The following FUT9 variants were observed in gnomAD, a reference collection of about 807,000 sequenced individuals.
FUT9 encodes the protein fucosyltransferase 9.
In FUT9, 15 loss-of-function variants were observed where a neutral mutation model predicts 29.7. The observed-to-expected ratio is 0.51, with a 90% CI of 0.34 to 0.78. FUT9 has a LOEUF of 0.78. Ranked by LOEUF, FUT9 falls within the 30% of genes least tolerant of loss-of-function variation. The probability of loss-of-function intolerance (pLI) is 0.01; values close to 1 mark genes in which losing one functional copy is unlikely to be tolerated. For missense variants in FUT9, 319 were observed against 425.4 expected (o/e 0.75, Z 2.20); for synonymous variants, 169 against 153.7 (o/e 1.10, Z -0.74).
At chr6:96,199,269 T>C (rs1294468525) in intron 2 of FUT9, among the ~76,000 whole-genome samples, 1 of 152,112 alleles carries the variant, frequency 6.6e-6, no homozygotes, top group Non-Finnish European at 1.5e-5. Context: ...ATTTTAGTCA[T>C]GAGGAATAGG....
chr6:96,095,484 G>A (rs980625540), intron 1 of FUT9, among the ~76,000 whole-genome samples: 5 of 152,080 alleles, frequency 3.3e-5, no homozygotes, highest in African/African-American at 9.7e-5. Flanking sequence ...CTACATTAAT[G>A]AATTCAGACA....
intron 1 of FUT9, among the ~76,000 whole-genome samples, chr6:96,090,292 T>A (rs186680561): frequency 6.6e-6 from 1 of 150,614 alleles, no homozygotes; most frequent in East Asian, 1.9e-4. Flanking sequence ...ATTTGTAAAG[T>A]CAATTGTTTA....
intron 1 of FUT9, among the ~76,000 whole-genome samples, chr6:96,086,341 T>C (rs1771316335): frequency 6.6e-6 from 1 of 152,200 alleles, no homozygotes; most frequent in Non-Finnish European, 1.5e-5. Context: ...AAAGCTTTGG[T>C]TTATTTTTCC....
intron 1 of FUT9, among the ~76,000 whole-genome samples, chr6:96,080,625 T>C (rs1771220490): frequency 2.6e-5 from 4 of 152,030 alleles, no homozygotes; most frequent in Admixed American, 1.3e-4. Context: ...ATTCAAACTT[T>C]AATATTTGAA....
intron 1 of FUT9, among the ~76,000 whole-genome samples, chr6:96,084,594 C>A (rs752027601): frequency 4.6e-5 from 7 of 152,018 alleles, no homozygotes; most frequent in Non-Finnish European, 7.4e-5. Flanking sequence ...CAGTTATTAG[C>A]AAATTAGCAA....
At chr6:96,068,741 C>T (rs970104312) in intron 1 of FUT9, among the ~76,000 whole-genome samples, 1 of 152,130 alleles carries the variant, frequency 6.6e-6, no homozygotes, top group African/African-American at 2.4e-5. Flanking sequence ...ATAATATCTT[C>T]TCTTAAAATG....
chr6:96,087,855 A>G (rs1771344409), intron 1 of FUT9, among the ~76,000 whole-genome samples: 1 of 152,210 alleles, frequency 6.6e-6, no homozygotes, highest in African/African-American at 2.4e-5. Flanking sequence ...GCATAGATCC[A>G]TGTTTCCACA....
chr6:96,159,291 CCCA>C (rs2127979306), intron 2 of FUT9, among the ~76,000 whole-genome samples: 1 of 152,140 alleles, frequency 6.6e-6, no homozygotes, highest in East Asian at 1.9e-4. Flanking sequence ...AAATGTTGAT[CCCA>C]TCAACAACAG....
intron 2 of FUT9, among the ~76,000 whole-genome samples, chr6:96,196,188 T>C (rs1284617754): frequency 6.6e-6 from 1 of 152,142 alleles, no homozygotes; most frequent in Non-Finnish European, 1.5e-5. Context: ...CCAGCAACCC[T>C]CTAACAAAGA....
chr6:96,113,392 C>T (rs1173864639), intron 1 of FUT9, among the ~76,000 whole-genome samples: 2 of 151,862 alleles, frequency 1.3e-5, no homozygotes, highest in Non-Finnish European at 2.9e-5. Context: ...GTGCCTGCTA[C>T]CACACCCAGC....
intron 2 of FUT9, among the ~76,000 whole-genome samples, chr6:96,155,709 G>C (rs1219636530): frequency 6.6e-6 from 1 of 151,454 alleles, no homozygotes; most frequent in Admixed American, 6.6e-5. Context: ...AGAAAAGAAA[G>C]AAAAGAAAAG....
chr6:96,191,835 A>G (rs972873175), intron 2 of FUT9, among the ~76,000 whole-genome samples: 3 of 152,210 alleles, frequency 2.0e-5, no homozygotes, highest in Non-Finnish European at 2.9e-5. Context: ...CCAGCAGCAC[A>G]TCAAAAAGCT....
chr6:96,157,853 T>C (rs558593679), intron 2 of FUT9, among the ~76,000 whole-genome samples: 1 of 152,292 alleles, frequency 6.6e-6, no homozygotes, highest in East Asian at 1.9e-4. Flanking sequence ...TCTACTCCTG[T>C]CTGTTCTTTA....
chr6:96,142,062 C>T (rs1353566949), intron 2 of FUT9, among the ~76,000 whole-genome samples: 2 of 152,178 alleles, frequency 1.3e-5, no homozygotes, highest in Non-Finnish European at 2.9e-5. Flanking sequence ...ACAGCTTACA[C>T]ACTGGGATGT....
chr6:96,067,942 G>C (rs148208747), intron 1 of FUT9, among the ~76,000 whole-genome samples: 184 of 152,152 alleles, frequency 1.2e-3, no homozygotes, highest in Non-Finnish European at 2.3e-3. Context: ...TCTTAAAATG[G>C]TGTCTGGAGT....
At chr6:96,159,611 A>G (rs1350428340) in intron 2 of FUT9, among the ~76,000 whole-genome samples, 4 of 152,228 alleles carry the variant, frequency 2.6e-5, no homozygotes, top group Non-Finnish European at 5.9e-5. Context: ...TTTCACTCAC[A>G]TAAGGTCTGC....
rs1036721217 is a variant in FUT9 at position 96,199,010 on chromosome 6, C to A, written c.-8-4138C>A. On this transcript the variant is annotated intron_variant, in intron 2 of 2. Transcript: ENST00000302103. ...GAAAATTGAATCATGCATACCAAGT[C>A]TTGTTAAGCAGCACTTTTAACCCAG... is the stretch of plus-strand genomic sequence containing the variant. 2.0e-5 allele frequency among the ~76,000 whole-genome samples: 3 copies of A among 152,118 alleles called. 1 individual carries two copies. Among genetic ancestry groups the A allele is most frequent in the Non-Finnish European group, 4.4e-5 (3 of 68,020 alleles).
At chr6:96,130,859 C>G (rs1367648092) in intron 2 of FUT9, among the ~76,000 whole-genome samples, 1 of 152,124 alleles carries the variant, frequency 6.6e-6, no homozygotes, top group East Asian at 1.9e-4. Context: ...GCAGTGCAAA[C>G]TTATTGCTTG....
chr6:96,156,108 T>C (rs1772780091), intron 2 of FUT9, among the ~76,000 whole-genome samples: 1 of 152,186 alleles, frequency 6.6e-6, no homozygotes, highest in African/African-American at 2.4e-5. Flanking sequence ...CTCGGTGAGG[T>C]TGATGCATTT....
Sources: gnomAD v4.1 joint callset for allele counts (sites outside exome capture counted in the v4.1 genomes callset) on GRCh38, gnomAD v4.1.1 for gene constraint, MANE v1.5 for transcripts, NCBI Gene and HGNC (gene_info 2026-07-23, HGNC 2026-07-21) for gene names.